The following CDKAL1 variants were observed in gnomAD, a reference collection of about 807,000 sequenced individuals.
CDKAL1 encodes the protein CDKAL1 threonylcarbamoyladenosine tRNA methylthiotransferase.
CDKAL1 carries 32 observed loss-of-function variants against 68.2 expected under a neutral mutation model. The ratio of observed to expected loss-of-function variants is 0.47; its 90% CI spans 0.35 to 0.63. CDKAL1 has a LOEUF of 0.63. Ranked by LOEUF, CDKAL1 falls within the 30% of genes least tolerant of loss-of-function variation. The probability of loss-of-function intolerance (pLI) is 0.00; values close to 1 mark genes in which losing one functional copy is unlikely to be tolerated. For synonymous variants in CDKAL1, 234 were observed against 244.3 expected (o/e 0.96, Z 0.39); for missense variants, 606 against 696.7 (o/e 0.87, Z 1.47).
In CDKAL1 at chr6:20,549,169, TTCTTG is replaced by T. The variant is rs1763719794; in HGVS notation, c.286+469_286+473del. Among the ~76,000 whole-genome samples, 4 of 152,218 alleles carry T rather than the reference TTCTTG, an allele frequency of 2.6e-5. 1 individual carries two copies. The highest frequency in any genetic ancestry group is 9.6e-5 in the African/African-American group (4 of 41,454). The stretch of plus-strand genomic sequence containing the variant: ...CAATCTGTGACAGTTTCTTAATTTT[TTCTTG>T]TCTTCTGTGACCTTGACACTTCTGA... On this transcript the variant is annotated intron_variant, in intron 4 of 15. Transcript: ENST00000274695.
chr6:21,153,864 G>T (rs79419965), intron 13 of CDKAL1, among the ~76,000 whole-genome samples: 148 of 152,274 alleles, frequency 9.7e-4, no homozygotes, highest in African/African-American at 3.5e-3. Context: ...AGGTCCTCTG[G>T]ATGTTTAAAG....
At chr6:20,575,382 G>T (rs1271853725) in intron 4 of CDKAL1, among the ~76,000 whole-genome samples, 2 of 146,344 alleles carry the variant, frequency 1.4e-5, no homozygotes, top group Non-Finnish European at 3.0e-5. Context: ...GGGACCATCT[G>T]CTGTGGTTCC....
intron 6 of CDKAL1, among the ~76,000 whole-genome samples, chr6:20,740,088 T>C (rs1773380379): frequency 6.6e-6 from 1 of 152,242 alleles, no homozygotes; most frequent in Non-Finnish European, 1.5e-5. Flanking sequence ...ATAATTATTC[T>C]CTCTAGTTTC....
intron 15 of CDKAL1, among the ~76,000 whole-genome samples, chr6:21,214,105 T>A (rs931330304): frequency 2.0e-5 from 3 of 152,152 alleles, no homozygotes; most frequent in African/African-American, 7.2e-5. Context: ...ATTCCACTTA[T>A]GTGAAATATT....
At chr6:21,059,449 A>G (rs1015939019) in intron 11 of CDKAL1, among the ~76,000 whole-genome samples, 4 of 152,098 alleles carry the variant, frequency 2.6e-5, no homozygotes, top group African/African-American at 9.7e-5. Context: ...TCACAGGGGG[A>G]TCTACTGATC....
At chr6:20,763,540 G>A (rs530278558) in intron 7 of CDKAL1, among the ~76,000 whole-genome samples, 11 of 152,202 alleles carry the variant, frequency 7.2e-5, no homozygotes, top group Non-Finnish European at 1.3e-4. Context: ...ATGGAATACC[G>A]CCTGACAAGA....
At chr6:20,931,850 T>A (rs563347573) in intron 9 of CDKAL1, among the ~76,000 whole-genome samples, 1 of 152,336 alleles carries the variant, frequency 6.6e-6, no homozygotes, top group East Asian at 1.9e-4. Context: ...TCGTGCTTGC[T>A]TTGAAGTTTA....
At chr6:20,805,801 A>G (rs1020744883) in intron 8 of CDKAL1, among the ~76,000 whole-genome samples, 1 of 152,234 alleles carries the variant, frequency 6.6e-6, no homozygotes, top group African/African-American at 2.4e-5. Context: ...AAGGAGATCC[A>G]TTTATCAGTA....
rs561403674 is a variant in CDKAL1 at position 21,225,723 on chromosome 6, C to T, written c.1549-5125C>T. Among the ~76,000 whole-genome samples, 13 of 152,276 alleles carry T rather than the reference C, an allele frequency of 8.5e-5. No individual in the cohort carries two copies. The South Asian group carries it at 1.2e-3, about 15-fold the overall frequency. ...TCTGCCACAATTCAAAACCCATGCT[C>T]ATTCATTATAGTGTGTGCCTCTTAA... On this transcript the variant is annotated intron_variant, in intron 15 of 15. Transcript: ENST00000274695.
chr6:21,032,643 T>A (rs978253881), intron 11 of CDKAL1, among the ~76,000 whole-genome samples: 2 of 152,168 alleles, frequency 1.3e-5, no homozygotes, highest in African/African-American at 2.4e-5. Context: ...CTTTTCTGTG[T>A]TTAGATGTGT....
At chr6:20,867,350 A>G (rs930439355) in intron 9 of CDKAL1, among the ~76,000 whole-genome samples, 8 of 152,220 alleles carry the variant, frequency 5.3e-5, no homozygotes, top group African/African-American at 1.9e-4. Flanking sequence ...CTGTGTTAAT[A>G]TTTGAACAGT....
At chr6:20,802,353 A>T (rs1474756987) in intron 8 of CDKAL1, among the ~76,000 whole-genome samples, 2 of 150,190 alleles carry the variant, frequency 1.3e-5, no homozygotes, top group African/African-American at 4.9e-5. Context: ...AATGTGAATG[A>T]GTTATTTTTC....
intron 4 of CDKAL1, among the ~76,000 whole-genome samples, chr6:20,596,798 G>A (rs557032114): frequency 1.3e-5 from 2 of 152,304 alleles, no homozygotes; most frequent in South Asian, 2.1e-4. Context: ...GTAGGCACCC[G>A]AGGGATTGTG....
chr6:20,672,403 G>A (rs1769888082), intron 5 of CDKAL1, among the ~76,000 whole-genome samples: 1 of 150,754 alleles, frequency 6.6e-6, no homozygotes. Context: ...CACCCAGGCT[G>A]TAGTGCAGTG....
chr6:21,213,269 GC>G lies in CDKAL1; in HGVS notation c.1548+11998del, dbSNP rs1423190556. Among the ~76,000 whole-genome samples the G allele has an allele frequency of 3.9e-5, 6 of 152,202 alleles. No individual in the cohort carries two copies. In the East Asian group the frequency reaches 1.2e-3, roughly 29 times the overall value. On this transcript the variant is annotated intron_variant, in intron 15 of 15. Transcript: ENST00000274695. The stretch of plus-strand genomic sequence containing the variant: ...GTCGAAGTGAGATAAAGCTTGGGAA[GC>G]CCTGAACGCTGCCTGACACGTAGAA...
chr6:21,202,110 C>T (rs531159392), intron 15 of CDKAL1, among the ~76,000 whole-genome samples: 10 of 151,934 alleles, frequency 6.6e-5, no homozygotes, highest in African/African-American at 1.5e-4. Context: ...AAGGGAATAC[C>T]GCTTCACTCT....
intron 5 of CDKAL1, among the ~76,000 whole-genome samples, chr6:20,709,697 T>C (rs1458599875): frequency 1.3e-5 from 2 of 152,146 alleles, no homozygotes; most frequent in Non-Finnish European, 2.9e-5. Context: ...ATTGAACTCA[T>C]TGTTGTCATA....
At chr6:20,946,707 CCTG>C (rs886790363) in intron 9 of CDKAL1, among the ~76,000 whole-genome samples, 1 of 151,480 alleles carries the variant, frequency 6.6e-6, no homozygotes, top group Non-Finnish European at 1.5e-5. Context: ...AAGTGATTCT[CCTG>C]CTCAGCCTCC....
At chr6:20,593,618 A>G (rs1393883550) in intron 4 of CDKAL1, among the ~76,000 whole-genome samples, 6 of 143,300 alleles carry the variant, frequency 4.2e-5, no homozygotes, top group African/African-American at 1.6e-4. Flanking sequence ...AAAAAAAAAA[A>G]GAAACCCAGC....
Sources: allele counts gnomAD v4.1 joint callset (sites outside exome capture counted in the v4.1 genomes callset), GRCh38; gene constraint gnomAD v4.1.1; transcripts MANE v1.5; gene names NCBI Gene and HGNC (gene_info 2026-07-23, HGNC 2026-07-21).